RNF13: variants seen among roughly 807,000 people sequenced by gnomAD.
RNF13 encodes E3 ubiquitin-protein ligase RNF13.
In RNF13, 19 loss-of-function variants were observed where a neutral mutation model predicts 37.7. The ratio of observed to expected loss-of-function variants is 0.50; its 90% CI spans 0.35 to 0.74. The LOEUF (loss-of-function observed/expected upper bound fraction) is 0.74, where lower values mean the gene tolerates loss of function less well. Ranked by LOEUF, RNF13 falls within the 30% of genes least tolerant of loss-of-function variation. The pLI, the probability that RNF13 is intolerant of heterozygous loss-of-function variation, is 0.01. For synonymous variants in RNF13, 144 were observed against 157.8 expected (o/e 0.91, Z 0.65); for missense variants, 375 against 453.0 (o/e 0.83, Z 1.56).
intron 7 of RNF13, among the ~76,000 whole-genome samples, chr3:149,914,850 A>C (rs1717345666): frequency 6.6e-6 from 1 of 152,006 alleles, no homozygotes; most frequent in Non-Finnish European, 1.5e-5. Context: ...AGGCAGGAGA[A>C]TCATTTGCAC....
chr3:149,854,469 G>T (rs1269542825), intron 3 of RNF13, among the ~76,000 whole-genome samples: 1 of 151,920 alleles, frequency 6.6e-6, no homozygotes, highest in East Asian at 1.9e-4. Flanking sequence ...TTCATAAATG[G>T]TTATCATTTG....
intron 1 of RNF13, among the ~76,000 whole-genome samples, chr3:149,841,992 GT>G (rs1722227111): frequency 6.6e-6 from 1 of 152,100 alleles, no homozygotes; most frequent in African/African-American, 2.4e-5. Flanking sequence ...ATTTACTTCT[GT>G]TGACCAATGC....
At chr3:149,932,823 G>A (rs1297666680) in intron 8 of RNF13, among the ~76,000 whole-genome samples, 2 of 152,204 alleles carry the variant, frequency 1.3e-5, no homozygotes, top group Non-Finnish European at 2.9e-5. Context: ...GAGGATAGCA[G>A]TCCTGTTCCC....
intron 8 of RNF13, among the ~76,000 whole-genome samples, chr3:149,941,355 A>G (rs112080485): frequency 1.3e-5 from 2 of 152,044 alleles, no homozygotes; most frequent in Non-Finnish European, 2.9e-5. Flanking sequence ...CTCAACTTAC[A>G]TTCTGCTCTT....
At chr3:149,915,070 G>A (rs781546073) in intron 7 of RNF13, among the ~76,000 whole-genome samples, 1 of 152,070 alleles carries the variant, frequency 6.6e-6, no homozygotes, top group Admixed American at 6.6e-5. Context: ...ATTTTTATTT[G>A]CTTGACTTTT....
chr3:149,853,455 G>GGAGAGAGAGAGAGAGAGAGAGAGA (rs397842025), intron 3 of RNF13, among the ~76,000 whole-genome samples: 6 of 117,262 alleles, frequency 5.1e-5, no homozygotes, highest in Admixed American at 9.0e-5. Flanking sequence ...AGAGAGAGAG[G>GGAGAGAGAGAGAGAGAGAGAGAGA]GAGAGAGAGA....
intron 3 of RNF13, among the ~76,000 whole-genome samples, chr3:149,866,968 A>G (rs1282221661): frequency 6.6e-6 from 1 of 152,168 alleles, no homozygotes; most frequent in South Asian, 2.1e-4. Context: ...AAAATGTTCC[A>G]TGTGCTGATA....
intron 4 of RNF13, among the ~76,000 whole-genome samples, chr3:149,887,309 C>T (rs1233652405): frequency 6.6e-6 from 1 of 152,138 alleles, no homozygotes; most frequent in African/African-American, 2.4e-5. Context: ...AGTAAGGAAA[C>T]ACAAGACTTG....
chr3:149,846,563 C>T (rs1379928176), intron 2 of RNF13, among the ~76,000 whole-genome samples: 2 of 152,208 alleles, frequency 1.3e-5, no homozygotes, highest in African/African-American at 2.4e-5. Flanking sequence ...GCCTTGGCCT[C>T]CCAAAGTGTT....
intron 8 of RNF13, among the ~76,000 whole-genome samples, chr3:149,921,993 A>G (rs1027841860): frequency 2.6e-5 from 4 of 151,300 alleles, no homozygotes; most frequent in African/African-American, 9.7e-5. Context: ...TTTTCTTTTG[A>G]GACGGAGTCT....
At chr3:149,960,349 T>C (rs1722267542) in intron 9 of RNF13, among the ~76,000 whole-genome samples, 1 of 152,132 alleles carries the variant, frequency 6.6e-6, no homozygotes, top group Non-Finnish European at 1.5e-5. Context: ...CCCAGCACTT[T>C]GGGAGGCCGA....
intron 8 of RNF13, among the ~76,000 whole-genome samples, chr3:149,942,931 A>G (rs1325954655): frequency 6.6e-6 from 1 of 152,288 alleles, no homozygotes; most frequent in Admixed American, 6.5e-5. Flanking sequence ...GTCTGCATCA[A>G]TTGAAATGAT....
chr3:149,821,959 A>G (rs2108315246), intron 1 of RNF13, among the ~76,000 whole-genome samples: 1 of 152,244 alleles, frequency 6.6e-6, no homozygotes, highest in South Asian at 2.1e-4. Context: ...CTATAGATGT[A>G]TCAGTTTATT....
At chr3:149,952,627 T>C (rs1721453793) in intron 8 of RNF13, among the ~76,000 whole-genome samples, 1 of 151,956 alleles carries the variant, frequency 6.6e-6, no homozygotes, top group South Asian at 2.1e-4. Flanking sequence ...GAGATGGAGT[T>C]TCGCTCTTGT....
intron 1 of RNF13, among the ~76,000 whole-genome samples, chr3:149,822,987 G>A (rs922431212): frequency 1.3e-5 from 2 of 152,048 alleles, no homozygotes; most frequent in Non-Finnish European, 2.9e-5. Context: ...GAATAGAAAT[G>A]TGAACAATTT....
intron 7 of RNF13, among the ~76,000 whole-genome samples, chr3:149,916,575 G>T (rs1279984814): frequency 6.6e-6 from 1 of 152,000 alleles, no homozygotes; most frequent in Non-Finnish European, 1.5e-5. Flanking sequence ...TTTTTATCAT[G>T]AATTTTTGTT....
intron 4 of RNF13, among the ~76,000 whole-genome samples, chr3:149,881,339 G>GT (rs200387238): frequency 0.018 from 2,772 of 150,846 alleles, 96 homozygotes; most frequent in African/African-American, 0.062. Context: ...AAAGATCTTT[G>GT]TTTTTTTTTG....
intron 1 of RNF13, among the ~76,000 whole-genome samples, chr3:149,821,640 G>A (rs2108314729): frequency 6.6e-6 from 1 of 150,850 alleles, no homozygotes; most frequent in East Asian, 1.9e-4. Context: ...TTTTGATAAT[G>A]TCCTTTGATA....
chr3:149,915,347 A>G (rs892488435), intron 7 of RNF13, among the ~76,000 whole-genome samples: 11 of 152,184 alleles, frequency 7.2e-5, no homozygotes, highest in African/African-American at 1.4e-4. Flanking sequence ...CAGGTAAAAG[A>G]AAACTTTGGT....
Sources: allele counts gnomAD v4.1 joint callset (sites outside exome capture counted in the v4.1 genomes callset), GRCh38; gene constraint gnomAD v4.1.1; transcripts MANE v1.5; gene names NCBI Gene and HGNC (gene_info 2026-07-23, HGNC 2026-07-21).